Variants in PCBP3 observed in about 807,000 individuals in gnomAD.
The protein encoded by PCBP3 is poly(rC)-binding protein 3.
Under a neutral mutation model 52.7 loss-of-function variants are expected in PCBP3, and 25 were observed. The observed-to-expected ratio is 0.47, with a 90% confidence interval of 0.35 to 0.66. PCBP3 has a LOEUF of 0.66. Ranked by LOEUF, PCBP3 falls within the 30% of genes least tolerant of loss-of-function variation. The probability of loss-of-function intolerance (pLI) is 0.01; values close to 1 mark genes in which losing one functional copy is unlikely to be tolerated. For missense variants in PCBP3, 391 were observed against 490.3 expected (o/e 0.80, Z 1.91); for synonymous variants, 162 against 183.0 (o/e 0.89, Z 0.93).
chr21:45,879,429 G>A (rs1220388179), intron 5 of PCBP3, among the ~76,000 whole-genome samples: 1 of 152,198 alleles, frequency 6.6e-6, no homozygotes, highest in African/African-American at 2.4e-5. Flanking sequence ...CAGTACAAAT[G>A]ATCCATGCCG....
At chr21:45,848,613 G>T (rs565568835) in intron 4 of PCBP3, among the ~76,000 whole-genome samples, 1 of 152,140 alleles carries the variant, frequency 6.6e-6, no homozygotes, top group Non-Finnish European at 1.5e-5. Context: ...TAGGCTAATT[G>T]TGTCATTCTC....
At chr21:45,655,742 G>A (rs1400598817) in intron 1 of PCBP3, among the ~76,000 whole-genome samples, 4 of 152,086 alleles carry the variant, frequency 2.6e-5, no homozygotes, top group East Asian at 1.9e-4. Flanking sequence ...ATGGGAGAAC[G>A]TCTTTACAAT....
At chr21:45,919,834 TGTGCGC>T (rs774650685) in intron 13 of PCBP3, among the ~76,000 whole-genome samples, 4,258 of 61,532 alleles carry the variant, frequency 0.069, 65 homozygotes, top group Middle Eastern at 0.24. Context: ...TGTGTGTGTG[TGTGCGC>T]GCGCGCGTGC....
intron 4 of PCBP3, among the ~76,000 whole-genome samples, chr21:45,785,634 A>G (rs1455938286): frequency 6.6e-6 from 1 of 151,622 alleles, no homozygotes; most frequent in East Asian, 1.9e-4. Context: ...TGGGAGGTGT[A>G]CCCAACAGCT....
intron 5 of PCBP3, chr21:45,893,906 C>G: frequency 1.2e-5 from 12 of 985,418 alleles, no homozygotes; most frequent in Non-Finnish European, 1.4e-5. Flanking sequence ...TTCCTGGTAG[C>G]CACTGAGCTG....
intron 3 of PCBP3, among the ~76,000 whole-genome samples, chr21:45,740,638 GAA>G (rs1491079478): frequency 2.7e-5 from 4 of 150,190 alleles, no homozygotes; most frequent in Non-Finnish European, 3.0e-5. Flanking sequence ...GTGTGTGTGT[GAA>G]GTGTGTGTGC....
chr21:45,783,872 C>T (rs1000282156), intron 4 of PCBP3, among the ~76,000 whole-genome samples: 2 of 152,208 alleles, frequency 1.3e-5, no homozygotes, highest in African/African-American at 4.8e-5. Context: ...CAGTTATTCT[C>T]CTTCCTGGAC....
chr21:45,867,494 A>G (rs2094791002), intron 5 of PCBP3, among the ~76,000 whole-genome samples: 1 of 152,334 alleles, frequency 6.6e-6, no homozygotes, highest in Admixed American at 6.5e-5. Context: ...CATTCACCGC[A>G]CGCGGAGGGT....
Position 45,850,055 on chromosome 21 carries a change from A to G in PCBP3, c.-31A>G, listed in dbSNP as rs1001437668. ...CAATACGTCTGAACCTTTGCTGTCT[A>G]TGGATCTGCTCTAAACCTTATAGCC... On this transcript the variant is annotated 5_prime_UTR_variant, in exon 5 of 18. The change abolishes an upstream ATG in the 5' untranslated region. Coordinates refer to ENST00000681687, the MANE Select transcript of PCBP3 (RefSeq NM_001384156.1). The G allele has an allele frequency of 1.4e-5, 22 of 1,544,214 alleles. No homozygotes were observed. The highest frequency in any genetic ancestry group is 2.4e-5 in the East Asian group (1 of 40,898).
At position 45,705,113 on chromosome 21, in the gene PCBP3, G is replaced by A. The variant is rs550159626; in HGVS notation, c.-199-30279G>A. On this transcript the variant is annotated intron_variant, in intron 2 of 17. Coordinates refer to ENST00000681687, the MANE Select transcript of PCBP3 (RefSeq NM_001384156.1). ...AGCCTCTTTTCAGGAGCACTGGGCT[G>A]TTGCTTTCTGTGCAGCATCGTGTGG... 2.1e-3 allele frequency among the ~76,000 whole-genome samples: 316 copies of A among 152,354 alleles called. 3 individuals are homozygous for A. Among genetic ancestry groups the A allele is most frequent in the Middle Eastern group, 0.014 (4 of 294 alleles).
chr21:45,875,182 G>C (rs145509402), intron 5 of PCBP3, among the ~76,000 whole-genome samples: 1 of 151,960 alleles, frequency 6.6e-6, no homozygotes. Flanking sequence ...CTGACTCACC[G>C]GGGCTGGGGG....
chr21:45,851,201 A>T (rs917271022), intron 5 of PCBP3, among the ~76,000 whole-genome samples: 10 of 152,248 alleles, frequency 6.6e-5, no homozygotes, highest in African/African-American at 2.4e-4. Flanking sequence ...TTTAGAGTCA[A>T]TAGTTAGATC....
At chr21:45,671,381 T>C (rs1010593725) in intron 2 of PCBP3, among the ~76,000 whole-genome samples, 1 of 152,226 alleles carries the variant, frequency 6.6e-6, no homozygotes, top group Non-Finnish European at 1.5e-5. Context: ...GTTTGATGAC[T>C]GAACTGACAC....
intron 1 of PCBP3, among the ~76,000 whole-genome samples, chr21:45,657,784 A>T (rs1313992862): frequency 2.6e-5 from 4 of 152,094 alleles, no homozygotes; most frequent in Non-Finnish European, 5.9e-5. Context: ...TGAGCATAGG[A>T]TTTAGTAGCT....
chr21:45,848,578 G>A (rs1261670723), intron 4 of PCBP3, among the ~76,000 whole-genome samples: 4 of 152,058 alleles, frequency 2.6e-5, no homozygotes, highest in Non-Finnish European at 5.9e-5. Context: ...CTCTCTTTTG[G>A]TACCTTGTAA....
intron 2 of PCBP3, among the ~76,000 whole-genome samples, chr21:45,682,517 T>C (rs986779394): frequency 3.9e-5 from 6 of 152,116 alleles, no homozygotes; most frequent in Admixed American, 3.9e-4. Flanking sequence ...AGTGCACTTA[T>C]CCACGTGAAG....
intron 2 of PCBP3, among the ~76,000 whole-genome samples, chr21:45,709,569 A>G (rs909067412): frequency 5.9e-5 from 9 of 151,364 alleles, no homozygotes; most frequent in African/African-American, 1.9e-4. Context: ...TTTTTCTTTA[A>G]TTGCTATTTC....
intron 4 of PCBP3, among the ~76,000 whole-genome samples, chr21:45,784,347 C>G (rs1014369304): frequency 6.6e-5 from 9 of 136,472 alleles, no homozygotes; most frequent in Non-Finnish European, 1.1e-4. Context: ...TCTACCTCTA[C>G]CTCTACCTCT....
In PCBP3 at chr21:45,667,920, A is replaced by C. The variant is rs1389678993; in HGVS notation, c.-278-954A>C. On this transcript the variant is annotated intron_variant, in intron 1 of 17. Coordinates refer to ENST00000681687, the MANE Select transcript of PCBP3 (RefSeq NM_001384156.1). ...CTCTGTAAAGTCTGTATTCTTTGTCATGTATCTTCACTGACTCTGTACTTG... is the reference window on the plus strand; with the variant it reads ...CTCTGTAAAGTCTGTATTCTTTGTCCTGTATCTTCACTGACTCTGTACTTG... 2.2e-4 allele frequency among the ~76,000 whole-genome samples: 34 copies of C among 152,054 alleles called. 1 individual carries two copies. The highest frequency in any genetic ancestry group is 2.2e-3 in the Admixed American group (34 of 15,276).
Sources: allele counts gnomAD v4.1 joint callset (sites outside exome capture counted in the v4.1 genomes callset), GRCh38; gene constraint gnomAD v4.1.1; transcripts MANE v1.5; gene names NCBI Gene and HGNC (gene_info 2026-07-23, HGNC 2026-07-21).